Variants in LRP1B observed in about 807,000 individuals in gnomAD.
LRP1B encodes LDL receptor related protein 1B, also known as low-density lipoprotein receptor-related protein 1B.
Under a neutral mutation model 556.6 loss-of-function variants are expected in LRP1B, and 217 were observed. The observed-to-expected ratio is 0.39, with a 90% CI of 0.35 to 0.44. The LOEUF (loss-of-function observed/expected upper bound fraction) is 0.44. Among genes scored for constraint, LRP1B ranks in the 20% least tolerant of loss-of-function variants. The pLI, the probability that LRP1B is intolerant of heterozygous loss-of-function variation, is 1.00. For synonymous variants in LRP1B, 2,047 were observed against 1,865.8 expected (o/e 1.10, Z -2.50); for missense variants, 5,053 against 5,620.8 (o/e 0.90, Z 3.23).
chr2:141,989,803 G>A (rs1208159561), intron 1 of LRP1B, among the ~76,000 whole-genome samples: 1 of 152,066 alleles, frequency 6.6e-6, no homozygotes, highest in Non-Finnish European at 1.5e-5. Flanking sequence ...CCCCAGCCAT[G>A]GGGAAGTGTA....
chr2:140,387,933 T>C (rs11889291), intron 66 of LRP1B, among the ~76,000 whole-genome samples: 1 of 146,372 alleles, frequency 6.8e-6, no homozygotes, highest in Non-Finnish European at 1.5e-5. Flanking sequence ...GCTTGTACTT[T>C]CTTTTTTTTT....
chr2:140,258,173 A>G (rs573099041), intron 86 of LRP1B, among the ~76,000 whole-genome samples: 1 of 152,266 alleles, frequency 6.6e-6, no homozygotes, highest in African/African-American at 2.4e-5. Context: ...TTGGAAAATA[A>G]TGCTGAACAC....
intron 11 of LRP1B, among the ~76,000 whole-genome samples, chr2:141,043,597 TTC>T (rs1230851014): frequency 1.3e-5 from 2 of 152,018 alleles, no homozygotes; most frequent in Non-Finnish European, 2.9e-5. Context: ...ATGCTTTGAA[TTC>T]TTTTTAATAC....
chr2:140,572,303 AT>A (rs1431602972), intron 43 of LRP1B, among the ~76,000 whole-genome samples: 4 of 151,738 alleles, frequency 2.6e-5, no homozygotes, highest in African/African-American at 9.7e-5. Flanking sequence ...AGAAAAAAAA[AT>A]CATTCAATTA....
At chr2:140,472,456 C>T (rs1687809412) in intron 60 of LRP1B, among the ~76,000 whole-genome samples, 1 of 151,988 alleles carries the variant, frequency 6.6e-6, no homozygotes, top group Non-Finnish European at 1.5e-5. Context: ...ACTAAGATTG[C>T]ATCTAAATTT....
chr2:140,694,717 C>A (rs985569080), intron 41 of LRP1B, among the ~76,000 whole-genome samples: 1 of 152,088 alleles, frequency 6.6e-6, no homozygotes, highest in Non-Finnish European at 1.5e-5. Flanking sequence ...AGTTTATCCT[C>A]CAAGTTTCAC....
At chr2:140,260,377 C>T (rs1206139234) in intron 86 of LRP1B, among the ~76,000 whole-genome samples, 1 of 151,798 alleles carries the variant, frequency 6.6e-6, no homozygotes, top group Non-Finnish European at 1.5e-5. Flanking sequence ...ATTATCTGTA[C>T]AAATTAAACA....
intron 2 of LRP1B, among the ~76,000 whole-genome samples, chr2:141,520,099 A>C (rs1359002422): frequency 6.6e-6 from 1 of 152,160 alleles, no homozygotes; most frequent in East Asian, 1.9e-4. Context: ...GTAGAAGGAG[A>C]ATAAAGAAAC....
rs77330963 is a variant in LRP1B at position 141,723,441 on chromosome 2, T to C, written c.205+86838A>G. Among the ~76,000 whole-genome samples the C allele has an allele frequency of 4.4e-3, 664 of 151,626 alleles. 4 individuals are homozygous for C. The highest frequency in any genetic ancestry group is 0.015 in the African/African-American group (634 of 41,490). On this transcript the variant is annotated intron_variant, in intron 2 of 90. Coordinates refer to ENST00000389484, the MANE Select transcript of LRP1B (RefSeq NM_018557.3). ...GTTGTACAGATGCAAATTTACTTAATTCTTTGGGTTCATTAGGGTATAGCT... is the reference window on the plus strand; with the variant it reads ...GTTGTACAGATGCAAATTTACTTAACTCTTTGGGTTCATTAGGGTATAGCT...
chr2:141,462,102 C>T (rs1449923147), intron 3 of LRP1B, among the ~76,000 whole-genome samples: 2 of 152,088 alleles, frequency 1.3e-5, no homozygotes, highest in Admixed American at 6.6e-5. Flanking sequence ...ATCAATTTTC[C>T]TCCTGAAAGC....
chr2:141,739,435 C>T (rs971265995), intron 2 of LRP1B, among the ~76,000 whole-genome samples: 2 of 152,152 alleles, frequency 1.3e-5, no homozygotes, highest in East Asian at 1.9e-4. Flanking sequence ...TTTCAGAAGA[C>T]GAACACCTGG....
chr2:140,471,565 CAATTTGATCTACTACATAACTATTG>C (rs1201288282), intron 60 of LRP1B, among the ~76,000 whole-genome samples: 1 of 152,098 alleles, frequency 6.6e-6, no homozygotes, highest in African/African-American at 2.4e-5. Flanking sequence ...CATATATCTC[CAATTTGATCTACTACATAACTATTG>C]AATCTAACAC....
intron 59 of LRP1B, among the ~76,000 whole-genome samples, chr2:140,482,540 C>T (rs1027181649): frequency 6.6e-6 from 1 of 152,002 alleles, no homozygotes; most frequent in Non-Finnish European, 1.5e-5. Flanking sequence ...TTCCACACTA[C>T]ACAAAATAAC....
intron 66 of LRP1B, among the ~76,000 whole-genome samples, chr2:140,416,744 C>T (rs1332739098): frequency 1.3e-5 from 2 of 151,970 alleles, no homozygotes; most frequent in African/African-American, 4.8e-5. Flanking sequence ...ACTTCAATTG[C>T]ACAGCTGCAT....
chr2:140,837,341 G>C (rs1377683531), intron 31 of LRP1B, among the ~76,000 whole-genome samples: 1 of 152,124 alleles, frequency 6.6e-6, no homozygotes, highest in African/African-American at 2.4e-5. Flanking sequence ...GAAAAGGACA[G>C]TGTCAAATTT....
intron 1 of LRP1B, among the ~76,000 whole-genome samples, chr2:141,935,242 C>A (rs1700603281): frequency 6.6e-6 from 1 of 151,982 alleles, no homozygotes. Context: ...CTCACTAAAG[C>A]AAAGTGAAGA....
chr2:140,966,869 T>A (rs972650125), intron 18 of LRP1B, among the ~76,000 whole-genome samples: 8 of 152,170 alleles, frequency 5.3e-5, no homozygotes, highest in Non-Finnish European at 1.0e-4. Flanking sequence ...GTGGTATTAT[T>A]TCTGAGGGCT....
intron 84 of LRP1B, 76 bp from the exon 85 acceptor site, chr2:140,274,674 C>A: frequency 8.3e-7 from 1 of 1,202,984 alleles, no homozygotes; most frequent in South Asian, 1.5e-5. Flanking sequence ...TAAGGTGACC[C>A]TTTCATTTAT....
chr2:141,056,242 AT>A (rs1336537666), intron 9 of LRP1B, among the ~76,000 whole-genome samples: 2 of 151,914 alleles, frequency 1.3e-5, no homozygotes, highest in African/African-American at 4.8e-5. Flanking sequence ...CACTTATACA[AT>A]AGATCGCATC....
Sources: allele counts gnomAD v4.1 joint callset (sites outside exome capture counted in the v4.1 genomes callset), GRCh38; gene constraint gnomAD v4.1.1; transcripts MANE v1.5; gene names NCBI Gene and HGNC (gene_info 2026-07-23, HGNC 2026-07-21).